Variants in SNW1 observed in about 807,000 individuals in gnomAD.
The protein encoded by SNW1 is SNW domain-containing protein 1.
A neutral mutation model predicts 75.6 loss-of-function variants in SNW1; 9 were observed. The ratio of observed to expected loss-of-function variants is 0.12; its 90% CI spans 0.07 to 0.21. The LOEUF is 0.21. Ranked by LOEUF, SNW1 falls within the 10% of genes least tolerant of loss-of-function variation. The pLI, the probability that SNW1 is intolerant of heterozygous loss-of-function variation, is 1.00. For missense variants in SNW1, 409 were observed against 670.9 expected (o/e 0.61, Z 4.31); for synonymous variants, 200 against 219.1 (o/e 0.91, Z 0.77).
intron 10 of SNW1, among the ~76,000 whole-genome samples, chr14:77,727,583 GT>G (rs369573506): frequency 3.1e-4 from 47 of 152,266 alleles, no homozygotes; most frequent in African/African-American, 1.1e-3. Context: ...TTTGTTGAGA[GT>G]TTTTATCATG....
rs1204836392 is a variant in SNW1, at chr14:77,717,850, C to A, written c.*238G>T. On this transcript the variant is annotated 3_prime_UTR_variant, in exon 14 of 14. Coordinates refer to ENST00000261531, the MANE Select transcript of SNW1 (RefSeq NM_012245.3). Reference sequence around the variant, plus strand: ...GGTCTTGACTTTGTATGTGGGGCAGCATGTTCTATAAATGCTGAAAGGTGG... The same window carrying A: ...GGTCTTGACTTTGTATGTGGGGCAGAATGTTCTATAAATGCTGAAAGGTGG... 2 of 554,876 alleles carry A rather than the reference C, an allele frequency of 3.6e-6. No homozygotes were observed. Among genetic ancestry groups the A allele is most frequent in the Non-Finnish European group, 6.3e-6 (2 of 316,772 alleles). The allele number at this position is 554,876 out of a possible 1,614,324, so 34.4% of individuals were successfully genotyped here.
intron 12 of SNW1, 45 bp downstream of exon 12, chr14:77,720,666 G>GGTA: frequency 1.7e-6 from 2 of 1,207,116 alleles, no homozygotes; most frequent in Non-Finnish European, 2.5e-6. Context: ...CCTGAGGATA[G>GGTA]GTATTCACAT....
intron 12 of SNW1, among the ~76,000 whole-genome samples, chr14:77,720,128 CAAA>C (rs1227672925): frequency 1.3e-5 from 2 of 152,120 alleles, no homozygotes; most frequent in African/African-American, 2.4e-5. Context: ...AAATCAACAA[CAAA>C]AAAACCCAAG....
intron 3 of SNW1, among the ~76,000 whole-genome samples, chr14:77,740,324 C>A (rs1422178097): frequency 1.3e-5 from 2 of 151,824 alleles, no homozygotes; most frequent in Admixed American, 1.3e-4. Flanking sequence ...GAACTGTTTA[C>A]CACTACAAGC....
intron 2 of SNW1, among the ~76,000 whole-genome samples, chr14:77,751,843 CACCACA>C (rs769424068): frequency 0.019 from 2,248 of 120,658 alleles, 27 homozygotes; most frequent in East Asian, 0.071. Context: ...CACACACACA[CACCACA>C]CACACACACA....
intron 7 of SNW1, among the ~76,000 whole-genome samples, chr14:77,735,497 G>A (rs568304574): frequency 7.1e-4 from 108 of 152,250 alleles, no homozygotes; most frequent in African/African-American, 2.3e-3. Context: ...TGGTCAGGCC[G>A]GTCTTGAACT....
At chr14:77,722,152 T>G (rs935025989) in intron 11 of SNW1, among the ~76,000 whole-genome samples, 4 of 152,188 alleles carry the variant, frequency 2.6e-5, no homozygotes, top group African/African-American at 9.7e-5. Context: ...ATATTTGCAT[T>G]TAACCCTCAC....
chr14:77,720,966 G>C, intron 11 of SNW1, 138 bp from the exon 12 acceptor site: 1 of 666,496 alleles, frequency 1.5e-6, no homozygotes, highest in East Asian at 2.5e-5. Flanking sequence ...ATTCCTTGAT[G>C]ATACATAATC....
At chr14:77,722,785 A>G in intron 11 of SNW1, 1 of 403,850 alleles carries the variant, frequency 2.5e-6, no homozygotes. Flanking sequence ...TTAGTGGACT[A>G]AAACTCTGCT....
chr14:77,729,269 C>T (rs2080609818), intron 10 of SNW1, among the ~76,000 whole-genome samples: 1 of 152,148 alleles, frequency 6.6e-6, no homozygotes, highest in African/African-American at 2.4e-5. Context: ...TTACTTTTAT[C>T]CTGAGCAATT....
intron 2 of SNW1, 117 bp from the exon 3 acceptor site, chr14:77,751,597 C>G (rs1294851246): frequency 1.4e-6 from 1 of 715,526 alleles, no homozygotes; most frequent in African/African-American, 1.8e-5. Context: ...AGAGATACAG[C>G]AGAGTTCCCT....
rs371970092 is a variant in SNW1 at position 77,718,262 on chromosome 14, A to G, written c.1437T>C (p.Ser479=). 5 of 1,613,564 alleles carry G rather than the reference A, an allele frequency of 3.1e-6. No homozygotes were observed. The African/African-American group carries it at 6.7e-5, about 22-fold the overall frequency. The part of the protein sequence containing the change: ...TNRFVPDKEF[S]GSDRRQRGRE... ...GGCCTCTCTGTCTACGGTCTGAACCAGAAAACTCCTTGTCGGGAACAAATC... is the reference window on the plus strand; with the variant it reads ...GGCCTCTCTGTCTACGGTCTGAACCGGAAAACTCCTTGTCGGGAACAAATC... Residue 479 remains serine, a synonymous_variant, in exon 14 of 14, where the codon TCT becomes TCC. Coordinates refer to ENST00000261531, the MANE Select transcript of SNW1 (RefSeq NM_012245.3).
Position 77,723,189 on chromosome 14 carries a change from A to G in SNW1, c.1122T>C (p.Pro374=). ...TCTTAAATAACACCTACCTCTTATC[A>G]GGAGCTGCCCTGGAAAGATTCCGGT... ...QHDRNLSRAA[P]DKRSKLQRNE... is the part of the protein sequence containing the mutation. Residue 374 remains proline (P), a synonymous_variant, in exon 11 of 14, where the codon CCT becomes CCC. Transcript: ENST00000261531. 1.2e-6 allele frequency: 2 copies of G among 1,613,702 alleles called. No individual in the cohort carries two copies. The highest frequency in any genetic ancestry group is 1.7e-6 in the Non-Finnish European group (2 of 1,179,730).
chr14:77,731,634 A>G (rs921186765), intron 9 of SNW1, among the ~76,000 whole-genome samples: 1 of 152,262 alleles, frequency 6.6e-6, no homozygotes, highest in African/African-American at 2.4e-5. Flanking sequence ...GATAATTTTT[A>G]TAAGGGTACT....
At chr14:77,753,907 C>T (rs564447183) in intron 2 of SNW1, among the ~76,000 whole-genome samples, 3 of 151,078 alleles carry the variant, frequency 2.0e-5, no homozygotes, top group African/African-American at 4.9e-5. Flanking sequence ...GAGCCAAGAT[C>T]GCACCACTGC....
At chr14:77,751,925 T>C (rs528020869) in intron 2 of SNW1, among the ~76,000 whole-genome samples, 1 of 152,128 alleles carries the variant, frequency 6.6e-6, no homozygotes, top group Admixed American at 6.6e-5. Context: ...ATGAGCTTGG[T>C]ATATTTTAGG....
chr14:77,740,835 G>A (rs10133987), intron 3 of SNW1, among the ~76,000 whole-genome samples: 11,452 of 152,116 alleles, frequency 0.075, 677 homozygotes, highest in East Asian at 0.17. Flanking sequence ...GGTGGCTCAC[G>A]CCTGTAATCC....
In SNW1 at chr14:77,718,440, T is replaced by C; in HGVS notation, c.1339A>G (p.Ile447Val). 1.2e-6 allele frequency: 2 copies of C among 1,613,862 alleles called. No individual in the cohort carries two copies. The highest frequency in any genetic ancestry group is 1.7e-6 in the Non-Finnish European group (2 of 1,179,732). Reference protein sequence around the residue: ...WRGGKDMAQSIYRPSKNLDKD... With the variant: ...WRGGKDMAQSVYRPSKNLDKD... ...TCCAGATTTTTACTGGGCCTATAAA[T>C]ACTCTGGGCCATATCTTTACCACCT... Residue 447 changes from isoleucine to valine, a missense_variant, in exon 13 of 14, where the codon ATT (isoleucine) becomes GTT (valine). Transcript: ENST00000261531.
intron 1 of SNW1, among the ~76,000 whole-genome samples, chr14:77,758,580 C>T (rs1263141904): frequency 1.3e-5 from 2 of 152,124 alleles, no homozygotes; most frequent in Non-Finnish European, 2.9e-5. Context: ...CTCTCTAACC[C>T]GGTCTTTATT....
Sources: gnomAD v4.1 joint callset for allele counts (sites outside exome capture counted in the v4.1 genomes callset) on GRCh38, gnomAD v4.1.1 for gene constraint, MANE v1.5 for transcripts, NCBI Gene and HGNC (gene_info 2026-07-23, HGNC 2026-07-21) for gene names.